ST3GAL5: variants seen among roughly 807,000 people sequenced by gnomAD.
ST3GAL5 encodes ST3 beta-galactoside alpha-2,3-sialyltransferase 5.
In ST3GAL5, 25 loss-of-function variants were observed where a neutral mutation model predicts 46.1. The ratio of observed to expected loss-of-function variants is 0.54; its 90% CI spans 0.40 to 0.76. The LOEUF (loss-of-function observed/expected upper bound fraction) is 0.76. ST3GAL5 is among the 30% of genes least tolerant of loss of function. The pLI is 0.00. For synonymous variants in ST3GAL5, 182 were observed against 192.7 expected (o/e 0.94, Z 0.46); for missense variants, 431 against 521.2 (o/e 0.83, Z 1.69).
At chr2:85,868,680 G>A (rs1031840780) in intron 1 of ST3GAL5, among the ~76,000 whole-genome samples, 3 of 150,444 alleles carry the variant, frequency 2.0e-5, no homozygotes, top group Non-Finnish European at 4.4e-5. Context: ...GTGCAGTGGC[G>A]TGATCTTGGC....
chr2:85,862,926 A>G (rs1684879896), intron 2 of ST3GAL5, among the ~76,000 whole-genome samples: 1 of 152,238 alleles, frequency 6.6e-6, no homozygotes, highest in Non-Finnish European at 1.5e-5. Context: ...ATTAGGATAT[A>G]AGGGTGACCT....
At chr2:85,885,555 G>A (rs1193501627) in intron 1 of ST3GAL5, among the ~76,000 whole-genome samples, 1 of 152,212 alleles carries the variant, frequency 6.6e-6, no homozygotes. Context: ...AAGGTCGGGC[G>A]CGGTGGCTCA....
intron 2 of ST3GAL5, among the ~76,000 whole-genome samples, 175 bp downstream of exon 2, chr2:85,863,187 C>T (rs774878411): frequency 6.6e-6 from 1 of 152,192 alleles, no homozygotes; most frequent in African/African-American, 2.4e-5. Context: ...TACAGGCTCA[C>T]TCCGGCTGTG....
At chr2:85,868,686 T>G (rs1416386300) in intron 1 of ST3GAL5, among the ~76,000 whole-genome samples, 2 of 150,730 alleles carry the variant, frequency 1.3e-5, no homozygotes, top group African/African-American at 4.9e-5. Context: ...TGGCGTGATC[T>G]TGGCTCACTG....
rs1301074597 is a variant in ST3GAL5 at position 85,837,881 on chromosome 2, T to G, written c.*2263A>C. 6.6e-6 allele frequency: 1 copy of G among 152,132 alleles called. No individual in the cohort carries two copies. Among genetic ancestry groups the G allele is most frequent in the African/African-American group, 2.4e-5 (1 of 41,408 alleles). 9.4% of individuals were successfully genotyped at this position (152,132 alleles called of 1,614,324 possible). A position where few individuals can be genotyped will look rare whatever the true frequency, so the allele number is the denominator to read the frequency against. Reference sequence around the variant, plus strand: ...GGGTCTAGAATGCAATACAAAGCTGTTAGTGTGGCAGTGAATTCTCAGTTA... The same window carrying G: ...GGGTCTAGAATGCAATACAAAGCTGGTAGTGTGGCAGTGAATTCTCAGTTA... On this transcript the variant is annotated 3_prime_UTR_variant, in exon 7 of 7. Coordinates refer to ENST00000638572, the MANE Select transcript of ST3GAL5 (RefSeq NM_003896.4).
At chr2:85,880,830 A>C in intron 1 of ST3GAL5, 1 of 354,824 alleles carries the variant, frequency 2.8e-6, no homozygotes, top group Non-Finnish European at 5.3e-6. Flanking sequence ...TCTAAAAAGA[A>C]AAAAAAAAAC....
intron 3 of ST3GAL5, chr2:85,860,863 A>C (rs549212791): frequency 1.8e-4 from 56 of 312,956 alleles, no homozygotes; most frequent in Non-Finnish European, 2.8e-4. Flanking sequence ...AAGAAAAAAG[A>C]AAGAATTTCT....
intron 3 of ST3GAL5, chr2:85,850,190 AC>A (rs200381240): frequency 1.4e-5 from 2 of 145,516 alleles, no homozygotes; most frequent in East Asian, 2.2e-4. Context: ...TGAAAAAGGA[AC>A]TGATATTCTT....
intron 3 of ST3GAL5, chr2:85,853,629 C>T (rs995983498): frequency 3.8e-5 from 6 of 158,712 alleles, no homozygotes; most frequent in African/African-American, 1.4e-4. Context: ...ACTCAGAACA[C>T]GAGGACCACA....
chr2:85,847,294 C>G (rs1682911389), intron 4 of ST3GAL5: 2 of 883,620 alleles, frequency 2.3e-6, no homozygotes, highest in Non-Finnish European at 2.7e-6. Context: ...CTTCTTGCCC[C>G]TGTCTGGGAG....
At chr2:85,857,509 C>G (rs10203518) in intron 3 of ST3GAL5, among the ~76,000 whole-genome samples, 50,281 of 146,072 alleles carry the variant, frequency 0.34, 9,850 homozygotes, top group Admixed American at 0.51. Context: ...TGCACACCAG[C>G]CTGGGAGACA....
chr2:85,857,323 G>C (rs1414045415), intron 3 of ST3GAL5, among the ~76,000 whole-genome samples: 2 of 151,794 alleles, frequency 1.3e-5, no homozygotes, highest in African/African-American at 2.4e-5. Context: ...GATCACCCGA[G>C]GTCAGGGGTT....
At chr2:85,862,279 GCA>G (rs139375527) in intron 2 of ST3GAL5, among the ~76,000 whole-genome samples, 7 of 151,178 alleles carry the variant, frequency 4.6e-5, no homozygotes, top group African/African-American at 1.7e-4. Flanking sequence ...GCATGGCAGA[GCA>G]CACACACACA....
At chr2:85,875,681 A>G (rs1686464266) in intron 1 of ST3GAL5, 1 of 152,228 alleles carries the variant, frequency 6.6e-6, no homozygotes, top group Admixed American at 6.5e-5. Flanking sequence ...TAAAAATGAA[A>G]GAGAGTGGGG....
intron 3 of ST3GAL5, chr2:85,853,507 C>T (rs963638301): frequency 1.8e-5 from 3 of 169,194 alleles, no homozygotes; most frequent in African/African-American, 4.8e-5. Context: ...TATACATCCA[C>T]GATAATTCAA....
rs1444325254 is a variant in ST3GAL5 at position 85,844,482 on chromosome 2, T to C, written c.922A>G (p.Ile308Val). Reference protein sequence around the residue: ...KIPLQPKHFRILNPVIIKETA... With the variant: ...KIPLQPKHFRVLNPVIIKETA... ...TCTTTGATGATAACTGGATTCAAAATCCTGAAATGTTTTGGCTGCAGTGGG... is the reference window on the plus strand; with the variant it reads ...TCTTTGATGATAACTGGATTCAAAACCCTGAAATGTTTTGGCTGCAGTGGG... Residue 308 changes from isoleucine (I) to valine (V), a missense_variant, in exon 6 of 7, where the codon ATT becomes GTT. Coordinates refer to ENST00000638572, the MANE Select transcript of ST3GAL5 (RefSeq NM_003896.4). 2 of 1,614,176 alleles carry C rather than the reference T, an allele frequency of 1.2e-6. No homozygotes were observed. Among genetic ancestry groups the C allele is most frequent in the Admixed American group, 3.3e-5 (2 of 60,008 alleles).
chr2:85,872,531 C>T (rs959942504), intron 1 of ST3GAL5, among the ~76,000 whole-genome samples: 7 of 151,028 alleles, frequency 4.6e-5, no homozygotes, highest in Non-Finnish European at 8.8e-5. Flanking sequence ...TGCAGTGAGC[C>T]GAGATTGTGC....
At chr2:85,881,783 G>A (rs1295150913) in intron 1 of ST3GAL5, among the ~76,000 whole-genome samples, 1 of 152,126 alleles carries the variant, frequency 6.6e-6, no homozygotes, top group African/African-American at 2.4e-5. Context: ...GCCTGACTAT[G>A]TGACAGAAAA....
chr2:85,853,154 G>A (rs1397072997), intron 3 of ST3GAL5: 19 of 1,132,038 alleles, frequency 1.7e-5, no homozygotes, highest in Non-Finnish European at 2.3e-5. Context: ...AGCCCAAACC[G>A]AAACTGACAT....
Sources: allele counts gnomAD v4.1 joint callset (sites outside exome capture counted in the v4.1 genomes callset), GRCh38; gene constraint gnomAD v4.1.1; transcripts MANE v1.5; gene names NCBI Gene and HGNC (gene_info 2026-07-23, HGNC 2026-07-21).